PTPN2: variants seen among roughly 807,000 people sequenced by gnomAD.
PTPN2 encodes the protein tyrosine-protein phosphatase non-receptor type 2.
In PTPN2, 19 loss-of-function variants were observed where a neutral mutation model predicts 57.3. The observed-to-expected ratio is 0.33, with a 90% CI of 0.23 to 0.49. The LOEUF is 0.49. PTPN2 is among the 20% of genes least tolerant of loss of function. The pLI is 0.99. For missense variants in PTPN2, 358 were observed against 501.1 expected (o/e 0.71, Z 2.73); for synonymous variants, 153 against 164.9 (o/e 0.93, Z 0.55).
chr18:12,803,325 GAATA>G (rs1168178432), intron 7 of PTPN2, among the ~76,000 whole-genome samples: 3 of 151,608 alleles, frequency 2.0e-5, no homozygotes, highest in Non-Finnish European at 4.4e-5. Context: ...AGAAAGAAAG[GAATA>G]AAGAATATGA....
chr18:12,797,364 C>A (rs966850657), intron 8 of PTPN2, among the ~76,000 whole-genome samples: 3 of 151,602 alleles, frequency 2.0e-5, no homozygotes, highest in African/African-American at 7.3e-5. Flanking sequence ...ATAATGAGTC[C>A]CTTAAGTGTT....
rs904390854 is a variant in PTPN2, at chr18:12,792,482, C to T, written c.*1796G>A. ...ATTTTTAGTAAAGAAGGGATTTCAC[C>T]ATGTTGGCCAGGACAGTCTCCATCT... On this transcript the variant is annotated 3_prime_UTR_variant, in exon 9 of 9. Coordinates refer to ENST00000309660, the MANE Select transcript of PTPN2 (RefSeq NM_002828.4). 1.3e-5 allele frequency: 2 copies of T among 153,884 alleles called. No homozygotes were observed. The highest frequency in any genetic ancestry group is 1.4e-5 in the Non-Finnish European group (1 of 69,660). 9.5% of individuals were successfully genotyped at this position (153,884 alleles called of 1,614,324 possible). A position where few individuals can be genotyped will look rare whatever the true frequency, so the allele number is the denominator to read the frequency against.
rs1346501941 is a variant in PTPN2 at position 12,792,787 on chromosome 18, C to T, written c.*1491G>A. On this transcript the variant is annotated 3_prime_UTR_variant, in exon 9 of 9. Transcript: ENST00000309660. The stretch of plus-strand genomic sequence containing the variant: ...TGCATTTTTAGTAGAGATGGTGTTT[C>T]ACCACGTTGGCCAGGCTGGTCTTGA... 2.3e-6 allele frequency: 1 copy of T among 441,900 alleles called. No homozygotes were observed. Among genetic ancestry groups the T allele is most frequent in the Non-Finnish European group, 3.0e-6 (1 of 333,456 alleles). 27.4% of individuals were successfully genotyped at this position (441,900 alleles called of 1,614,324 possible). A position where few individuals can be genotyped will look rare whatever the true frequency, so the allele number is the denominator to read the frequency against.
intron 7 of PTPN2, among the ~76,000 whole-genome samples, chr18:12,803,970 T>C (rs2041525964): frequency 6.6e-6 from 1 of 152,100 alleles, no homozygotes; most frequent in Admixed American, 6.6e-5. Context: ...ATGGACCATA[T>C]GTTAGGCCAC....
chr18:12,866,731 G>C (rs546900309), intron 1 of PTPN2, among the ~76,000 whole-genome samples: 3 of 152,066 alleles, frequency 2.0e-5, no homozygotes, highest in African/African-American at 7.2e-5. Context: ...TATCTCGGCC[G>C]GGCGTGGTGG....
In PTPN2 at chr18:12,793,165, G is replaced by C; in HGVS notation, c.*1113C>G. The C allele has an allele frequency of 1.0e-6, 1 of 985,232 alleles. No homozygotes were observed. Among genetic ancestry groups the C allele is most frequent in the Non-Finnish European group, 1.2e-6 (1 of 829,676 alleles). 61.0% of individuals were successfully genotyped at this position (985,232 alleles called of 1,614,324 possible). A position where few individuals can be genotyped will look rare whatever the true frequency, so the allele number is the denominator to read the frequency against. On this transcript the variant is annotated 3_prime_UTR_variant, in exon 9 of 9. Transcript: ENST00000309660. ...AACACTGAATGGAATGTTGAAATCT[G>C]AGGAAAGCTAGCATTCAAATGAGCA...
chr18:12,785,885 T>G, intron 9 of PTPN2: 6 of 1,529,744 alleles, frequency 3.9e-6, no homozygotes, highest in Non-Finnish European at 2.7e-6. Context: ...AATTCATATT[T>G]ACCAAACACA....
At chr18:12,845,403 T>C (rs1465675553) in intron 2 of PTPN2, among the ~76,000 whole-genome samples, 1 of 152,202 alleles carries the variant, frequency 6.6e-6, no homozygotes, top group Non-Finnish European at 1.5e-5. Flanking sequence ...ATCCTATATG[T>C]ATTTTGTTAG....
chr18:12,870,404 CGTATATATAT>C lies in PTPN2; in HGVS notation c.70-11160_70-11151del, dbSNP rs1398668411. Among the ~76,000 whole-genome samples the C allele has an allele frequency of 9.8e-5, 5 of 51,200 alleles. 1 individual carries two copies. The highest frequency in any genetic ancestry group is 2.3e-4 in the Admixed American group (1 of 4,268). The allele number at this position is 51,200 out of a possible 152,430, so 33.6% of individuals were successfully genotyped here. A position where few individuals can be genotyped will look rare whatever the true frequency, so the allele number is the denominator to read the frequency against. The stretch of plus-strand genomic sequence containing the variant: ...ATATACGTATATATGTATATATACA[CGTATATATAT>C]GTATATATATACGTATATATATATG... On this transcript the variant is annotated intron_variant, in intron 1 of 8. Transcript: ENST00000309660.
chr18:12,789,141 T>C (rs2040918185), downstream of PTPN2, among the ~76,000 whole-genome samples: 1 of 152,146 alleles, frequency 6.6e-6, no homozygotes. Context: ...CCCTTATACA[T>C]ATTCACTGGA....
intron 1 of PTPN2, among the ~76,000 whole-genome samples, chr18:12,865,384 G>A (rs1470649739): frequency 1.3e-5 from 2 of 151,386 alleles, no homozygotes; most frequent in Non-Finnish European, 2.9e-5. Flanking sequence ...GCAGTAAGCC[G>A]TGATCACGCC....
chr18:12,844,439 T>G (rs2145423585), intron 2 of PTPN2, among the ~76,000 whole-genome samples: 1 of 152,330 alleles, frequency 6.6e-6, no homozygotes, highest in Non-Finnish European at 1.5e-5. Context: ...ATTTTTAGGG[T>G]ATTGTGATCT....
At chr18:12,807,584 A>ATATATATATATATATATATATAT (rs1555660747) in intron 7 of PTPN2, among the ~76,000 whole-genome samples, 2 of 55,008 alleles carry the variant, frequency 3.6e-5, no homozygotes, top group South Asian at 1.4e-3. Context: ...AAAAAAAAAA[A>ATATATATATATATATATATATAT]AAATATATAT....
chr18:12,861,068 G>C (rs934328620), intron 1 of PTPN2, among the ~76,000 whole-genome samples: 1 of 152,082 alleles, frequency 6.6e-6, no homozygotes, highest in Non-Finnish European at 1.5e-5. Flanking sequence ...TCGAACACCT[G>C]GGCTCAAGTC....
At chr18:12,795,341 G>A (rs774593618) in intron 8 of PTPN2, among the ~76,000 whole-genome samples, 16 of 152,152 alleles carry the variant, frequency 1.1e-4, no homozygotes, top group Non-Finnish European at 2.9e-5. Context: ...TTGCCCAGGC[G>A]GGAGTGCAGT....
chr18:12,849,281 G>A (rs1290768572), intron 2 of PTPN2, among the ~76,000 whole-genome samples: 4 of 152,184 alleles, frequency 2.6e-5, no homozygotes, highest in Non-Finnish European at 4.4e-5. Flanking sequence ...AATCTAGGCC[G>A]GGTGCAGAAG....
chr18:12,804,927 TA>T (rs1411206695), intron 7 of PTPN2, among the ~76,000 whole-genome samples: 1 of 152,068 alleles, frequency 6.6e-6, no homozygotes, highest in Non-Finnish European at 1.5e-5. Flanking sequence ...AAAAGAAAAC[TA>T]CAGGCCAATA....
At chr18:12,872,015 T>C (rs2044282857) in intron 1 of PTPN2, among the ~76,000 whole-genome samples, 1 of 149,492 alleles carries the variant, frequency 6.7e-6, no homozygotes, top group Non-Finnish European at 1.5e-5. Context: ...GCCGTAGCAT[T>C]CCAGCCTGGG....
chr18:12,833,861 A>C (rs1369467255), intron 3 of PTPN2, among the ~76,000 whole-genome samples: 2 of 152,216 alleles, frequency 1.3e-5, no homozygotes, highest in Non-Finnish European at 1.5e-5. Flanking sequence ...ACCTTGGTAA[A>C]AAAGACAGAG....
Sources: gnomAD v4.1 joint callset for allele counts (sites outside exome capture counted in the v4.1 genomes callset) on GRCh38, gnomAD v4.1.1 for gene constraint, MANE v1.5 for transcripts, NCBI Gene and HGNC (gene_info 2026-07-23, HGNC 2026-07-21) for gene names.